The following INTS8 variants were observed in gnomAD, a reference collection of about 807,000 sequenced individuals.
INTS8 encodes protein kaonashi-1.
INTS8 carries 47 observed loss-of-function variants against 138.9 expected under a neutral mutation model. The ratio of observed to expected loss-of-function variants is 0.34; its 90% CI spans 0.27 to 0.43. INTS8 has a LOEUF of 0.43. Ranked by LOEUF, INTS8 falls within the 20% of genes least tolerant of loss-of-function variation. The pLI is 1.00. For missense variants in INTS8, 996 were observed against 1,173.0 expected (o/e 0.85, Z 2.20); for synonymous variants, 392 against 400.9 (o/e 0.98, Z 0.27).
chr8:94,824,505 G>A (rs1178631586), intron 1 of INTS8, among the ~76,000 whole-genome samples: 2 of 152,118 alleles, frequency 1.3e-5, no homozygotes, highest in African/African-American at 2.4e-5. Context: ...ACTTGATGGA[G>A]GTCCCCCTAA....
In INTS8 at chr8:94,838,706, C is replaced by T. The variant is rs555443687; in HGVS notation, c.1017+88C>T. 17 of 1,037,202 alleles carry T rather than the reference C, an allele frequency of 1.6e-5. No individual in the cohort carries two copies. In the East Asian group the frequency reaches 2.2e-4, roughly 13 times the overall value. 64.2% of individuals were successfully genotyped at this position (1,037,202 alleles called of 1,614,324 possible). A position where few individuals can be genotyped will look rare whatever the true frequency, so the allele number is the denominator to read the frequency against. ...TCGCACCATCCATTTACCAGTTACG[C>T]GTTTTGGGGCAAGTCATTTACACTG... is the stretch of plus-strand genomic sequence containing the variant. On this transcript the variant is annotated intron_variant, in intron 8 of 26. Transcript: ENST00000523731.
At chr8:94,832,455 G>T (rs1259678249) in intron 6 of INTS8, among the ~76,000 whole-genome samples, 1 of 152,136 alleles carries the variant, frequency 6.6e-6, no homozygotes, top group African/African-American at 2.4e-5. Context: ...TTGATTTACA[G>T]TTCTTTCATA....
chr8:94,867,520 CCT>C (rs1816224226), intron 20 of INTS8, 183 bp downstream of exon 20: 2 of 475,738 alleles, frequency 4.2e-6, no homozygotes, highest in Non-Finnish European at 7.1e-6. Flanking sequence ...AAGGCATAAC[CCT>C]TTTTTTTTTT....
chr8:94,876,412 C>T, intron 25 of INTS8, 34 bp from the exon 26 acceptor site: 1 of 1,423,684 alleles, frequency 7.0e-7, no homozygotes. Context: ...ATATTTAATA[C>T]TATCAGATTT....
rs185339894 is a variant in INTS8 at position 94,851,121 on chromosome 8, G to T, written c.1508-432G>T. Reference sequence around the variant, plus strand: ...GTAATCATTTTTGGTTCTCTGGGAAGAGCATGCCCCTTTCTCTCATAAAAC... The same window carrying T: ...GTAATCATTTTTGGTTCTCTGGGAATAGCATGCCCCTTTCTCTCATAAAAC... On this transcript the variant is annotated intron_variant, in intron 12 of 26. Transcript: ENST00000523731. Among the ~76,000 whole-genome samples the T allele has an allele frequency of 9.6e-4, 146 of 152,308 alleles. 1 individual carries two copies. Among genetic ancestry groups the T allele is most frequent in the African/African-American group, 3.4e-3 (143 of 41,560 alleles).
chr8:94,859,196 G>A (rs1009607940), intron 15 of INTS8, among the ~76,000 whole-genome samples: 6 of 151,836 alleles, frequency 4.0e-5, no homozygotes, highest in Non-Finnish European at 7.4e-5. Flanking sequence ...TGGAAGGATC[G>A]CTTGAGCCTG....
At chr8:94,832,287 AT>A in intron 6 of INTS8, 113 bp downstream of exon 6, 1 of 722,662 alleles carries the variant, frequency 1.4e-6, no homozygotes, top group Non-Finnish European at 2.3e-6. Context: ...TTAAGATGCT[AT>A]TAAAACTGCA....
rs1339892585 is a variant in INTS8, at chr8:94,824,941, A to G, written c.179A>G (p.Lys60Arg). The G allele has an allele frequency of 1.2e-6, 2 of 1,613,200 alleles. No homozygotes were observed. Among genetic ancestry groups the G allele is most frequent in the African/African-American group, 1.3e-5 (1 of 75,002 alleles). The change falls in exon 2 of 27, where the codon AAA (lysine) becomes AGA (arginine). Residue 60 changes from lysine (K) to arginine (R), a missense_variant. Lys to Arg is a conservative substitution (Grantham distance 26). Coordinates refer to ENST00000523731, the MANE Select transcript of INTS8 (RefSeq NM_017864.4). ...LIVQFLEQAS[K>R]PSVNEQNQVQ... The stretch of plus-strand genomic sequence containing the variant: ...GTTCAGTTTTTGGAACAGGCTTCCA[A>G]ACCTTCAGTTAATGAACAAAACCAA...
At chr8:94,880,091 A>C in intron 26 of INTS8, 27 bp from the exon 27 acceptor site, 1 of 1,511,632 alleles carries the variant, frequency 6.6e-7, no homozygotes, top group South Asian at 1.2e-5. Flanking sequence ...ACACACCTCT[A>C]ATAACATCAC....
At position 94,823,332 on chromosome 8, in the gene INTS8, T is replaced by C. The variant is rs568636359; in HGVS notation, c.-100T>C. 1.4e-4 allele frequency: 211 copies of C among 1,512,856 alleles called. 2 individuals carry two copies. The South Asian group carries it at 2.4e-3, about 17-fold the overall frequency. The allele number at this position is 1,512,856 out of a possible 1,614,324, so 93.7% of individuals were successfully genotyped here. A position where few individuals can be genotyped will look rare whatever the true frequency, so the allele number is the denominator to read the frequency against. On this transcript the variant is annotated 5_prime_UTR_variant, in exon 1 of 27. Coordinates refer to ENST00000523731, the MANE Select transcript of INTS8 (RefSeq NM_017864.4). ...TTTCCGGGACGTTCGGAGGGTGGCC[T>C]CTCTCCCACCGGGTTCCGCATACCC...
Position 94,871,972 on chromosome 8 carries a change from T to C in INTS8, c.2503T>C (p.Trp835Arg). 6.3e-7 allele frequency: 1 copy of C among 1,586,502 alleles called. No homozygotes were observed. Among genetic ancestry groups the C allele is most frequent in the Non-Finnish European group, 8.6e-7 (1 of 1,156,690 alleles). Residue 835 changes from tryptophan to arginine, a missense_variant, in exon 21 of 27, where the codon TGG becomes CGG. Physicochemically the swap from Trp to Arg is moderately radical, Grantham distance 101. Transcript: ENST00000523731. ...CAGTATAAATCCAAATAACCATTCT[T>C]GGTTAATTATCCAGGCAGATATTTA... ...TLSINPNNHSWLIIQADIYFA... is the reference protein window; with the variant it reads ...TLSINPNNHSRLIIQADIYFA...
chr8:94,877,527 C>T (rs753818124), intron 26 of INTS8, among the ~76,000 whole-genome samples: 32 of 152,068 alleles, frequency 2.1e-4, no homozygotes, highest in Non-Finnish European at 4.0e-4. Context: ...ATTTCCAAAC[C>T]ACTTCTACTT....
intron 6 of INTS8, among the ~76,000 whole-genome samples, chr8:94,833,215 AAG>A (rs1250829147): frequency 6.6e-6 from 1 of 152,036 alleles, no homozygotes; most frequent in Non-Finnish European, 1.5e-5. Flanking sequence ...CTTTTCTGGA[AAG>A]GGGTAAAAAT....
chr8:94,827,621 A>T, intron 3 of INTS8, 101 bp from the exon 4 acceptor site: 1 of 1,099,080 alleles, frequency 9.1e-7, no homozygotes, highest in South Asian at 1.3e-5. Flanking sequence ...TGTGTCAATT[A>T]ATGCTTCATA....
Position 94,880,778 on chromosome 8 carries a change from C to G in INTS8, c.*544C>G, listed in dbSNP as rs1816778493. 2.5e-6 allele frequency: 1 copy of G among 397,890 alleles called. No individual in the cohort carries two copies. Among genetic ancestry groups the G allele is most frequent in the Non-Finnish European group, 4.4e-6 (1 of 225,538 alleles). 24.6% of individuals were successfully genotyped at this position (397,890 alleles called of 1,614,324 possible). A position where few individuals can be genotyped will look rare whatever the true frequency, so the allele number is the denominator to read the frequency against. ...TCACACTAAATTAAAAAAAAAAATT[C>G]CTTAGGGATATCTTAGAGTAGTAAA... On this transcript the variant is annotated 3_prime_UTR_variant, in exon 27 of 27. Coordinates refer to ENST00000523731, the MANE Select transcript of INTS8 (RefSeq NM_017864.4).
In INTS8 at chr8:94,827,281, G is replaced by A. The variant is rs753774112; in HGVS notation, c.324G>A (p.Leu108=). ...ILEKSLSVPV[L]NMLLNELLCI... ...CTTCAAGTTTGTCTGTTCCAGTATTGAATATGCTACTAAATGAACTACTCT... is the reference window on the plus strand; with the variant it reads ...CTTCAAGTTTGTCTGTTCCAGTATTAAATATGCTACTAAATGAACTACTCT... Residue 108 remains leucine (L), a synonymous_variant, in exon 3 of 27, where the codon TTG becomes TTA. Transcript: ENST00000523731. 1.2e-6 allele frequency: 2 copies of A among 1,613,430 alleles called. No individual in the cohort carries two copies. Among genetic ancestry groups the A allele is most frequent in the East Asian group, 4.5e-5 (2 of 44,882 alleles).
At chr8:94,847,329 A>G (rs1473900471) in intron 10 of INTS8, among the ~76,000 whole-genome samples, 1 of 152,200 alleles carries the variant, frequency 6.6e-6, no homozygotes, top group Non-Finnish European at 1.5e-5. Flanking sequence ...GGTGTGAGCC[A>G]TGACACCTGG....
chr8:94,859,581 C>G lies in INTS8; in HGVS notation c.2025C>G (p.Tyr675Ter). The G allele has an allele frequency of 6.2e-7, 1 of 1,611,076 alleles. No homozygotes were observed. Among genetic ancestry groups the G allele is most frequent in the Non-Finnish European group, 8.5e-7 (1 of 1,177,452 alleles). The change falls in exon 16 of 27, where the codon TAC becomes TAG. Residue 675 changes from tyrosine (Y) to a stop codon, truncating the protein, a stop_gained. Transcript: ENST00000523731. LOFTEE classifies it high-confidence loss of function. Reference sequence around the variant, plus strand: ...TGTTAAACTGGAGAGAAAATGAATACCTTACACTCCAAGTTCCTGCATTTT... The same window carrying G: ...TGTTAAACTGGAGAGAAAATGAATAGCTTACACTCCAAGTTCCTGCATTTT... ...AFMLNWRENE[Y>*]LTLQVPAFLL...
At position 94,880,366 on chromosome 8, in the gene INTS8, A is replaced by C. The variant is rs1479235531; in HGVS notation, c.*132A>C. On this transcript the variant is annotated 3_prime_UTR_variant, in exon 27 of 27. Transcript: ENST00000523731. ...CTTTTCAGACAAAATACTGAAACAA[A>C]TATTAGTTTAAAAACAAACTATACA... is the stretch of plus-strand genomic sequence containing the variant. 3.6e-6 allele frequency: 2 copies of C among 551,058 alleles called. No individual in the cohort carries two copies. The highest frequency in any genetic ancestry group is 6.5e-6 in the Non-Finnish European group (2 of 308,944). 34.1% of individuals were successfully genotyped at this position (551,058 alleles called of 1,614,324 possible).
Sources: allele counts gnomAD v4.1 joint callset (sites outside exome capture counted in the v4.1 genomes callset), GRCh38; gene constraint gnomAD v4.1.1; transcripts MANE v1.5; gene names NCBI Gene and HGNC (gene_info 2026-07-23, HGNC 2026-07-21).